Variants in ERCC6L2 observed in about 807,000 individuals in gnomAD.
The protein encoded by ERCC6L2 is DNA excision repair protein ERCC-6-like 2.
ERCC6L2 carries 77 observed loss-of-function variants against 132.0 expected under a neutral mutation model. That is an observed-to-expected ratio of 0.58 (90% CI 0.49 to 0.71). The LOEUF is 0.71. Among genes scored for constraint, ERCC6L2 ranks in the 30% least tolerant of loss-of-function variants. The pLI is 0.00. For missense variants in ERCC6L2, 1,542 were observed against 1,837.6 expected (o/e 0.84, Z 2.94); for synonymous variants, 583 against 632.4 (o/e 0.92, Z 1.17).
intron 12 of ERCC6L2, among the ~76,000 whole-genome samples, chr9:95,948,934 C>G (rs1831198407): frequency 6.6e-6 from 1 of 151,736 alleles, no homozygotes; most frequent in Non-Finnish European, 1.5e-5. Flanking sequence ...CAACAAGTGT[C>G]TTAAATACTC....
In ERCC6L2 at chr9:95,932,281, G is replaced by A. The variant is rs72758445; in HGVS notation, c.1751+3417G>A. Among the ~76,000 whole-genome samples the A allele has an allele frequency of 7.0e-3, 1,071 of 152,184 alleles. 8 individuals are homozygous for A. The highest frequency in any genetic ancestry group is 0.012 in the Non-Finnish European group (835 of 68,018). ...GGATTTCACCATATTATCCAGGCTG[G>A]TCTTGAACTCCTGACCTCGTGATCT... On this transcript the variant is annotated intron_variant, in intron 11 of 18. Transcript: ENST00000653738.
intron 12 of ERCC6L2, among the ~76,000 whole-genome samples, chr9:95,946,041 T>G (rs1831048036): frequency 6.6e-6 from 1 of 151,996 alleles, no homozygotes; most frequent in Non-Finnish European, 1.5e-5. Context: ...GTAACAAAAA[T>G]TAAGAATGGA....
At chr9:95,877,973 A>G (rs1827377431) in intron 1 of ERCC6L2, among the ~76,000 whole-genome samples, 1 of 152,212 alleles carries the variant, frequency 6.6e-6, no homozygotes, top group Non-Finnish European at 1.5e-5. Context: ...AGTGGACATG[A>G]TAATTAAATG....
chr9:95,899,519 T>C (rs993172637), intron 3 of ERCC6L2, among the ~76,000 whole-genome samples: 2 of 152,072 alleles, frequency 1.3e-5, no homozygotes, highest in African/African-American at 4.8e-5. Context: ...TGGTAAAATA[T>C]GCTTATAATA....
Position 95,881,044 on chromosome 9 carries a change from T to A in ERCC6L2, c.222T>A (p.Phe74Leu). The A allele has an allele frequency of 2.5e-6, 4 of 1,613,976 alleles. No homozygotes were observed. Among genetic ancestry groups the A allele is most frequent in the Non-Finnish European group, 3.4e-6 (4 of 1,179,866 alleles). ...IPLKQLQEVKFVKDCPRNLIF... is the reference protein window; with the variant it reads ...IPLKQLQEVKLVKDCPRNLIF... Reference sequence around the variant, plus strand: ...TTAAACAGCTTCAAGAAGTGAAATTTGTTAAAGATTGCCCTAGGAATCTTA... The same window carrying A: ...TTAAACAGCTTCAAGAAGTGAAATTAGTTAAAGATTGCCCTAGGAATCTTA... Residue 74 changes from phenylalanine (F) to leucine (L), a missense_variant, in exon 2 of 19, where the codon TTT (phenylalanine) becomes TTA (leucine). Phe to Leu is a conservative substitution (Grantham distance 22, BLOSUM62 0). Coordinates refer to ENST00000653738, the MANE Select transcript of ERCC6L2 (RefSeq NM_020207.7).
intron 13 of ERCC6L2, among the ~76,000 whole-genome samples, chr9:95,956,381 G>C (rs560481768): frequency 6.6e-6 from 1 of 152,220 alleles, no homozygotes; most frequent in South Asian, 2.1e-4. Context: ...CAAGGTCACA[G>C]CTCCCCAAAT....
rs971743649 is a variant in ERCC6L2, at chr9:96,016,193, A to G, written c.*2990A>G. On this transcript the variant is annotated 3_prime_UTR_variant, in exon 19 of 19. Transcript: ENST00000653738. The stretch of plus-strand genomic sequence containing the variant: ...TTCCCCTTTAAATTGGTGATGGATT[A>G]GATCAGTGGTGGTCAGCCATTTTCT... Among the ~76,000 whole-genome samples the G allele has an allele frequency of 7.9e-5, 12 of 152,340 alleles. No individual in the cohort carries two copies. The East Asian group carries it at 1.9e-3, about 24-fold the overall frequency.
At chr9:95,911,300 T>G (rs764808282) in intron 4 of ERCC6L2, among the ~76,000 whole-genome samples, 1 of 152,222 alleles carries the variant, frequency 6.6e-6, no homozygotes, top group Non-Finnish European at 1.5e-5. Context: ...ATTTTAATTA[T>G]TTCTTACCTG....
chr9:96,029,087 A>C (rs142495337), intron 19 of ERCC6L2, among the ~76,000 whole-genome samples: 2 of 151,862 alleles, frequency 1.3e-5, no homozygotes, highest in Non-Finnish European at 2.9e-5. Flanking sequence ...GGCGGATCAC[A>C]AGGTCAGGAG....
chr9:95,905,798 G>C (rs1053271470), intron 3 of ERCC6L2, among the ~76,000 whole-genome samples: 4 of 152,072 alleles, frequency 2.6e-5, no homozygotes, highest in African/African-American at 9.7e-5. Flanking sequence ...TTGACAAATG[G>C]CCTAGGTTAA....
intron 17 of ERCC6L2, among the ~76,000 whole-genome samples, chr9:96,000,779 T>A (rs1234598252): frequency 6.6e-6 from 1 of 152,204 alleles, no homozygotes; most frequent in African/African-American, 2.4e-5. Context: ...AGACCCCATG[T>A]CTATAAAATA....
chr9:95,981,708 G>A (rs1832900495), intron 17 of ERCC6L2, among the ~76,000 whole-genome samples: 1 of 152,162 alleles, frequency 6.6e-6, no homozygotes, highest in Non-Finnish European at 1.5e-5. Flanking sequence ...GAGTTCATCT[G>A]TTCTTTTACT....
rs1175877009 is a variant in ERCC6L2, at chr9:96,016,612, AGAT to A, written c.*3416_*3418del. 6.6e-6 allele frequency among the ~76,000 whole-genome samples: 1 copy of A among 152,240 alleles called. No individual in the cohort carries two copies. Among genetic ancestry groups the A allele is most frequent in the Non-Finnish European group, 1.5e-5 (1 of 68,038 alleles). On this transcript the variant is annotated 3_prime_UTR_variant, in exon 19 of 19. Coordinates refer to ENST00000653738, the MANE Select transcript of ERCC6L2 (RefSeq NM_020207.7). ...AAGGCAAAGAAGCCTTAGTTTGCAG[AGAT>A]GATGATAAACTTTTCATCCTTCCAC...
At chr9:95,956,050 C>G in intron 13 of ERCC6L2, 37 bp downstream of exon 13, 1 of 1,267,204 alleles carries the variant, frequency 7.9e-7, no homozygotes, top group Non-Finnish European at 1.1e-6. Flanking sequence ...CAGAGGTCAA[C>G]ATTTATCTGT....
At chr9:95,882,649 G>A (rs1209585263) in intron 2 of ERCC6L2, among the ~76,000 whole-genome samples, 1 of 149,576 alleles carries the variant, frequency 6.7e-6, no homozygotes, top group Non-Finnish European at 1.5e-5. Context: ...ACCAATGATG[G>A]AATAAGGAAA....
At chr9:95,899,985 G>A (rs1400370847) in intron 3 of ERCC6L2, among the ~76,000 whole-genome samples, 1 of 152,146 alleles carries the variant, frequency 6.6e-6, no homozygotes, top group African/African-American at 2.4e-5. Flanking sequence ...TGGAGGAACT[G>A]TAAATTCCTT....
chr9:95,917,563 T>C (rs999956036), intron 6 of ERCC6L2, among the ~76,000 whole-genome samples: 1 of 152,232 alleles, frequency 6.6e-6, no homozygotes, highest in Non-Finnish European at 1.5e-5. Context: ...ATATTGTTAC[T>C]AAATTGAGAT....
chr9:96,036,090 T>C (rs1229773197), intron 19 of ERCC6L2, among the ~76,000 whole-genome samples: 5 of 152,196 alleles, frequency 3.3e-5, no homozygotes, highest in Admixed American at 6.5e-5. Context: ...ATCCCAAACA[T>C]ATTTAAGTGC....
intron 12 of ERCC6L2, among the ~76,000 whole-genome samples, chr9:95,948,600 G>A (rs1031777597): frequency 2.0e-5 from 3 of 151,990 alleles, no homozygotes; most frequent in Non-Finnish European, 4.4e-5. Context: ...TAGCCAAGAT[G>A]GCAGCATACC....
Sources: allele counts gnomAD v4.1 joint callset (sites outside exome capture counted in the v4.1 genomes callset), GRCh38; gene constraint gnomAD v4.1.1; transcripts MANE v1.5; gene names NCBI Gene and HGNC (gene_info 2026-07-23, HGNC 2026-07-21).